The following PRICKLE1 variants were observed in gnomAD, a reference collection of about 807,000 sequenced individuals.
The protein encoded by PRICKLE1 is prickle planar cell polarity protein 1, also known as prickle-like protein 1.
Under a neutral mutation model 70.2 loss-of-function variants are expected in PRICKLE1, and 14 were observed. That is an observed-to-expected ratio of 0.20 (90% CI 0.13 to 0.31). PRICKLE1 has a LOEUF of 0.31. PRICKLE1 is among the 10% of genes least tolerant of loss of function. The pLI is 1.00. For missense variants in PRICKLE1, 821 were observed against 1,026.2 expected (o/e 0.80, Z 2.73); for synonymous variants, 357 against 379.9 (o/e 0.94, Z 0.70).
chr12:42,500,479 T>C (rs1593140913), intron 1 of PRICKLE1, among the ~76,000 whole-genome samples: 1 of 152,316 alleles, frequency 6.6e-6, no homozygotes, highest in African/African-American at 2.4e-5. Flanking sequence ...TAAATGCAGA[T>C]TATGCTGAAC....
At chr12:42,526,458 AATAGTAATACACAGTGCAAAAAAGTG>A (rs1939801337) in intron 1 of PRICKLE1, among the ~76,000 whole-genome samples, 1 of 152,124 alleles carries the variant, frequency 6.6e-6, no homozygotes, top group African/African-American at 2.4e-5. Context: ...CTGGAAAGTG[AATAGTAATACACAGTGCAAAAAAGTG>A]ATGGAAGTGT....
intron 1 of PRICKLE1, among the ~76,000 whole-genome samples, chr12:42,545,964 T>TA (rs1254328393): frequency 6.6e-6 from 1 of 151,672 alleles, no homozygotes; most frequent in Admixed American, 6.6e-5. Context: ...AAAAAAAATC[T>TA]ATAGTCAAAA....
intron 1 of PRICKLE1, among the ~76,000 whole-genome samples, chr12:42,506,351 G>A (rs1939415425): frequency 6.7e-6 from 1 of 149,136 alleles, no homozygotes; most frequent in African/African-American, 2.5e-5. Flanking sequence ...CTGCCTCCTG[G>A]GTTCAAGCGA....
At chr12:42,585,821 T>C (rs1008349681) in intron 1 of PRICKLE1, among the ~76,000 whole-genome samples, 26 of 152,162 alleles carry the variant, frequency 1.7e-4, no homozygotes, top group African/African-American at 6.3e-4. Context: ...GGGGATGTGA[T>C]TACCAGTTAC....
At chr12:42,512,299 T>C (rs1010017097) in intron 1 of PRICKLE1, among the ~76,000 whole-genome samples, 3 of 151,736 alleles carry the variant, frequency 2.0e-5, no homozygotes, top group East Asian at 2.0e-4. Flanking sequence ...GCCTCCTGAG[T>C]AGCTGGGACT....
intron 1 of PRICKLE1, among the ~76,000 whole-genome samples, chr12:42,515,449 G>A (rs1939594775): frequency 6.6e-6 from 1 of 152,028 alleles, no homozygotes; most frequent in African/African-American, 2.4e-5. Context: ...AGTTGGCCAG[G>A]CTGGTCTCGA....
intron 1 of PRICKLE1, among the ~76,000 whole-genome samples, chr12:42,518,110 T>TA (rs1939641566): frequency 6.6e-6 from 1 of 152,048 alleles, no homozygotes; most frequent in African/African-American, 2.4e-5. Context: ...AGGATTTTTT[T>TA]TTTTTTTGAA....
intron 1 of PRICKLE1, among the ~76,000 whole-genome samples, chr12:42,582,075 C>G (rs1369688281): frequency 1.3e-5 from 2 of 152,184 alleles, no homozygotes; most frequent in Non-Finnish European, 2.9e-5. Context: ...AAAGCCTGGT[C>G]TGCTTTTAAC....
At chr12:42,579,838 T>A (rs967618686) in intron 1 of PRICKLE1, among the ~76,000 whole-genome samples, 1 of 147,858 alleles carries the variant, frequency 6.8e-6, no homozygotes, top group Admixed American at 6.8e-5. Context: ...ATCATATGTC[T>A]TCTTTATTAT....
At chr12:42,546,072 A>T (rs1566121302) in intron 1 of PRICKLE1, among the ~76,000 whole-genome samples, 1 of 152,112 alleles carries the variant, frequency 6.6e-6, no homozygotes, top group Non-Finnish European at 1.5e-5. Flanking sequence ...CATGCCAGAA[A>T]ATATATAGGA....
intron 1 of PRICKLE1, among the ~76,000 whole-genome samples, chr12:42,488,257 A>G (rs1445478287): frequency 6.6e-6 from 1 of 152,138 alleles, no homozygotes; most frequent in Non-Finnish European, 1.5e-5. Flanking sequence ...AAGACTCAAT[A>G]GCTGATTATG....
chr12:42,464,241 G>A lies in PRICKLE1; in HGVS notation c.1639+154C>T, dbSNP rs972855167. On this transcript the variant is annotated intron_variant, in intron 7 of 7. Coordinates refer to ENST00000345127, the MANE Select transcript of PRICKLE1 (RefSeq NM_153026.3). The surrounding 1 kb of genome is among the most constrained non-coding windows in gnomAD (Gnocchi z 4.2). ...TCGCCATGTTGCCTGGGCTGGTCTC[G>A]AACTCCTGACCTCAAATGATCTGCC... 1.1e-4 allele frequency among the ~76,000 whole-genome samples: 16 copies of A among 151,992 alleles called. No homozygotes were observed. The highest frequency in any genetic ancestry group is 1.8e-4 in the Non-Finnish European group (12 of 68,006).
At chr12:42,539,111 T>C (rs1333563860) in intron 1 of PRICKLE1, among the ~76,000 whole-genome samples, 1 of 152,186 alleles carries the variant, frequency 6.6e-6, no homozygotes, top group Non-Finnish European at 1.5e-5. Context: ...ATCCTGAAAG[T>C]ACAAAAACTT....
At chr12:42,519,813 G>A (rs1319186069) in intron 1 of PRICKLE1, among the ~76,000 whole-genome samples, 1 of 152,074 alleles carries the variant, frequency 6.6e-6, no homozygotes, top group Non-Finnish European at 1.5e-5. Flanking sequence ...TTGAGTATTT[G>A]TTGTTGTTGT....
In PRICKLE1 at chr12:42,466,191, T is replaced by C. The variant is rs754091672; in HGVS notation, c.775+3A>G. ...AGGGCAGACGGGCTGGCTGTGGACT[T>C]ACCAATATGTTCCCCACAGGTTTCA... On this transcript the variant is annotated splice_donor_region_variant and intron_variant, in intron 6 of 7. Transcript: ENST00000345127. 2.5e-6 allele frequency: 4 copies of C among 1,614,152 alleles called. No individual in the cohort carries two copies. The Admixed American group carries it at 6.7e-5, about 27-fold the overall frequency.
chr12:42,573,078 C>T (rs1416171654), intron 1 of PRICKLE1, among the ~76,000 whole-genome samples: 6 of 151,948 alleles, frequency 3.9e-5, no homozygotes, highest in Non-Finnish European at 8.8e-5. Flanking sequence ...AGTGTTTCAG[C>T]CTAAACAAAC....
chr12:42,519,712 T>G (rs1939676690), intron 1 of PRICKLE1, among the ~76,000 whole-genome samples: 1 of 152,080 alleles, frequency 6.6e-6, no homozygotes, highest in South Asian at 2.1e-4. Context: ...AGTGATGGGG[T>G]AGGTGAGGAA....
intron 1 of PRICKLE1, among the ~76,000 whole-genome samples, chr12:42,544,491 C>T (rs1364038393): frequency 6.6e-6 from 1 of 152,130 alleles, no homozygotes; most frequent in African/African-American, 2.4e-5. Flanking sequence ...TCCCCTACTC[C>T]CATCTTCCCA....
chr12:42,499,343 C>T (rs1463894687), intron 1 of PRICKLE1, among the ~76,000 whole-genome samples: 3 of 152,106 alleles, frequency 2.0e-5, no homozygotes, highest in Admixed American at 2.0e-4. Flanking sequence ...GTAGAGCTTC[C>T]TATAAATAGC....
Sources: gnomAD v4.1 joint callset for allele counts (sites outside exome capture counted in the v4.1 genomes callset) on GRCh38, gnomAD v4.1.1 for gene constraint, Gnocchi (gnomAD v3.1) non-coding constraint, MANE v1.5 for transcripts, NCBI Gene and HGNC (gene_info 2026-07-23, HGNC 2026-07-21) for gene names.